ADAMTSL1: variants seen among roughly 807,000 people sequenced by gnomAD.
ADAMTSL1 encodes the protein ADAMTS-like protein 1.
Under a neutral mutation model 201.8 loss-of-function variants are expected in ADAMTSL1, and 126 were observed. That is an observed-to-expected ratio of 0.62 (90% CI 0.54 to 0.72). ADAMTSL1 has a LOEUF of 0.72. Ranked by LOEUF, ADAMTSL1 falls within the 30% of genes least tolerant of loss-of-function variation. ADAMTSL1 has a pLI of 0.00. For synonymous variants in ADAMTSL1, 1,121 were observed against 903.4 expected (o/e 1.24, Z -4.32); for missense variants, 2,679 against 2,277.8 (o/e 1.18, Z -3.59).
chr9:18,729,958 G>A (rs1231687015), intron 15 of ADAMTSL1, among the ~76,000 whole-genome samples: 2 of 152,182 alleles, frequency 1.3e-5, no homozygotes, highest in Non-Finnish European at 2.9e-5. Context: ...TGAAACATTG[G>A]AGTTTTATAG....
At position 18,880,027 on chromosome 9, in the gene ADAMTSL1, G is replaced by A. The variant is rs547393200; in HGVS notation, c.4250-7804G>A. On this transcript the variant is annotated intron_variant, in intron 23 of 28. Coordinates refer to ENST00000380548, the MANE Select transcript of ADAMTSL1 (RefSeq NM_001040272.6). Reference sequence around the variant, plus strand: ...AAGAAACCACTTTCTTTGCTCATCCGTAAAAAGCAACTCCTCATCCATTCA... The same window carrying A: ...AAGAAACCACTTTCTTTGCTCATCCATAAAAAGCAACTCCTCATCCATTCA... Among the ~76,000 whole-genome samples, 101 of 152,176 alleles carry A rather than the reference G, an allele frequency of 6.6e-4. 1 individual carries two copies. The highest frequency in any genetic ancestry group is 6.8e-3 in the Middle Eastern group (2 of 294).
intron 25 of ADAMTSL1, chr9:18,890,615 A>T: frequency 2.2e-6 from 1 of 455,892 alleles, no homozygotes; most frequent in Non-Finnish European, 4.4e-6. Flanking sequence ...CATGCTCATT[A>T]ATATCAGCAG....
intron 1 of ADAMTSL1, among the ~76,000 whole-genome samples, chr9:18,006,720 A>G (rs181261682): frequency 6.6e-6 from 1 of 151,910 alleles, no homozygotes; most frequent in Non-Finnish European, 1.5e-5. Flanking sequence ...CTCACATTCT[A>G]TGTGTTCTAA....
intron 23 of ADAMTSL1, among the ~76,000 whole-genome samples, chr9:18,849,399 G>T (rs1588230928): frequency 6.6e-6 from 1 of 152,174 alleles, no homozygotes; most frequent in Admixed American, 6.5e-5. Context: ...TGCAAACAAT[G>T]ACAGTTAGTG....
intron 3 of ADAMTSL1, among the ~76,000 whole-genome samples, chr9:18,543,387 A>G (rs1820278086): frequency 6.6e-6 from 1 of 152,094 alleles, no homozygotes; most frequent in African/African-American, 2.4e-5. Flanking sequence ...AAGGGAAACA[A>G]TGTTTCTGAA....
intron 26 of ADAMTSL1, among the ~76,000 whole-genome samples, chr9:18,904,289 C>A (rs935233867): frequency 2.6e-5 from 4 of 151,938 alleles, no homozygotes; most frequent in Non-Finnish European, 5.9e-5. Flanking sequence ...ACCAACATGG[C>A]GAAATCCTAT....
chr9:18,782,560 C>A (rs1454229116), intron 19 of ADAMTSL1, among the ~76,000 whole-genome samples: 2 of 152,082 alleles, frequency 1.3e-5, no homozygotes, highest in Non-Finnish European at 2.9e-5. Flanking sequence ...GTAACCGGCA[C>A]CAAACGTACT....
chr9:18,372,507 A>G (rs950418514), intron 2 of ADAMTSL1, among the ~76,000 whole-genome samples: 1 of 152,172 alleles, frequency 6.6e-6, no homozygotes, highest in Non-Finnish European at 1.5e-5. Context: ...GAGGGGACAG[A>G]GGCTTCCCCA....
intron 5 of ADAMTSL1, among the ~76,000 whole-genome samples, chr9:18,624,423 A>C (rs1013339841): frequency 6.6e-6 from 1 of 152,108 alleles, no homozygotes; most frequent in African/African-American, 2.4e-5. Flanking sequence ...ACTCTTAAGA[A>C]CTCTTCATGG....
intron 2 of ADAMTSL1, among the ~76,000 whole-genome samples, chr9:18,327,192 C>G (rs1834860319): frequency 6.6e-6 from 1 of 152,194 alleles, no homozygotes; most frequent in South Asian, 2.1e-4. Flanking sequence ...TCTGTAATAA[C>G]TGGGCAGAAA....
At chr9:18,660,733 G>T (rs1032333570) in intron 8 of ADAMTSL1, among the ~76,000 whole-genome samples, 8 of 151,914 alleles carry the variant, frequency 5.3e-5, no homozygotes, top group African/African-American at 1.9e-4. Flanking sequence ...AACAAATATT[G>T]GATAGAAAAA....
intron 2 of ADAMTSL1, among the ~76,000 whole-genome samples, chr9:18,447,458 C>A (rs1033019225): frequency 1.3e-5 from 2 of 152,126 alleles, no homozygotes; most frequent in Non-Finnish European, 2.9e-5. Context: ...GAGAGCCAAA[C>A]CTGTGGGGAA....
chr9:18,279,802 A>G (rs1319689089), intron 2 of ADAMTSL1, among the ~76,000 whole-genome samples: 1 of 152,138 alleles, frequency 6.6e-6, no homozygotes, highest in African/African-American at 2.4e-5. Context: ...TGTGGGGCTC[A>G]CAGGTGCCAG....
chr9:18,287,424 T>C (rs1833036208), intron 2 of ADAMTSL1, among the ~76,000 whole-genome samples: 1 of 151,896 alleles, frequency 6.6e-6, no homozygotes, highest in African/African-American at 2.4e-5. Flanking sequence ...TATATATCTG[T>C]AATATTTCTA....
At chr9:18,220,369 G>C (rs1830210669) in intron 2 of ADAMTSL1, among the ~76,000 whole-genome samples, 1 of 152,098 alleles carries the variant, frequency 6.6e-6, no homozygotes, top group Admixed American at 6.6e-5. Flanking sequence ...CCATTATGTA[G>C]TGACCCTCAT....
At position 18,892,543 on chromosome 9, in the gene ADAMTSL1, C is replaced by A. The variant is rs1025448403; in HGVS notation, c.4798C>A (p.Gln1600Lys). Residue 1600 changes from glutamine to lysine, a missense_variant, in exon 26 of 29, where the codon CAG (glutamine) becomes AAG (lysine). Gln to Lys is a moderately conservative substitution (Grantham distance 53). Coordinates refer to ENST00000380548, the MANE Select transcript of ADAMTSL1 (RefSeq NM_001040272.6). ...TQVAKRPVDT[Q>K]ACNQQLCVEW... ...GGTCGCCAAGCGGCCTGTGGACACC[C>A]AGGCCTGTAACCAGCAGCTGTGTGT... 1 of 1,583,060 alleles carries A rather than the reference C, an allele frequency of 6.3e-7. No individual in the cohort carries two copies. The highest frequency in any genetic ancestry group is 8.6e-7 in the Non-Finnish European group (1 of 1,164,438).
At chr9:18,654,057 G>C (rs142729499) in intron 7 of ADAMTSL1, among the ~76,000 whole-genome samples, 1 of 152,192 alleles carries the variant, frequency 6.6e-6, no homozygotes, top group Non-Finnish European at 1.5e-5. Context: ...GCAAAACCTC[G>C]TCTCTACTAA....
rs755650911 is a variant in ADAMTSL1, at chr9:18,680,503, A to G, written c.1328A>G (p.Gln443Arg). The change falls in exon 11 of 29, where the codon CAG becomes CGG. Residue 443 changes from glutamine to arginine, a missense_variant. By Grantham distance (43) the Gln-to-Arg change is conservative (BLOSUM62 1). Transcript: ENST00000380548. ...TTTGACTGCCCTAAATGGCTGGCACAGGAGTGGTCTCCGGTAACTGTGCCT... is the reference window on the plus strand; with the variant it reads ...TTTGACTGCCCTAAATGGCTGGCACGGGAGTGGTCTCCGGTAACTGTGCCT... ...NIFDCPKWLA[Q>R]EWSPCTVTCG... 1.2e-6 allele frequency: 2 copies of G among 1,614,018 alleles called. No homozygotes were observed. Among genetic ancestry groups the G allele is most frequent in the South Asian group, 1.1e-5 (1 of 91,088 alleles).
chr9:18,899,364 C>T (rs1588344525), intron 26 of ADAMTSL1, among the ~76,000 whole-genome samples: 1 of 152,276 alleles, frequency 6.6e-6, no homozygotes, highest in East Asian at 1.9e-4. Flanking sequence ...TGAAAATGGC[C>T]ATACTGCCCA....
Sources: allele counts gnomAD v4.1 joint callset (sites outside exome capture counted in the v4.1 genomes callset), GRCh38; gene constraint gnomAD v4.1.1; transcripts MANE v1.5; gene names NCBI Gene and HGNC (gene_info 2026-07-23, HGNC 2026-07-21).